The following KIF2C variants were observed in gnomAD, a reference collection of about 807,000 sequenced individuals.
KIF2C encodes the protein kinesin family member 2C, also known as kinesin-like protein KIF2C.
KIF2C carries 34 observed loss-of-function variants against 97.4 expected under a neutral mutation model. That is an observed-to-expected ratio of 0.35 (90% CI 0.27 to 0.46). The LOEUF (loss-of-function observed/expected upper bound fraction) is 0.46, where lower values mean the gene tolerates loss of function less well. KIF2C is among the 20% of genes least tolerant of loss of function. The probability of loss-of-function intolerance (pLI) is 1.00; values close to 1 mark genes in which losing one functional copy is unlikely to be tolerated. For synonymous variants in KIF2C, 313 were observed against 318.2 expected, an observed-to-expected ratio of 0.98 and a Z score of 0.17; for missense variants, 750 against 907.6, an observed-to-expected ratio of 0.83 and a Z score of 2.23.
At chr1:44,741,584 C>G (rs937680879) in intron 2 of KIF2C, among the ~76,000 whole-genome samples, 7 of 151,998 alleles carry the variant, frequency 4.6e-5, no homozygotes, top group African/African-American at 1.7e-4. Flanking sequence ...ACTCGGGAAG[C>G]TGAGGTGGGA....
chr1:44,767,273 C>T lies in KIF2C; in HGVS notation c.*94C>T. ...GGTACCTGGTGGGTCTAGGCAGGGT[C>T]TGAGCTGGGACAGGTTCTGGTAAAT... On this transcript the variant is annotated 3_prime_UTR_variant, in exon 21 of 21. Coordinates refer to ENST00000372224, the MANE Select transcript of KIF2C (RefSeq NM_006845.4). The T allele has an allele frequency of 9.2e-7, 1 of 1,084,572 alleles. No homozygotes were observed. Among genetic ancestry groups the T allele is most frequent in the Non-Finnish European group, 1.4e-6 (1 of 720,190 alleles). The allele number at this position is 1,084,572 out of a possible 1,614,324, so 67.2% of individuals were successfully genotyped here. A position where few individuals can be genotyped will look rare whatever the true frequency, so the allele number is the denominator to read the frequency against.
chr1:44,762,290 C>G (rs1408050134), intron 17 of KIF2C, 56 bp from the exon 18 acceptor site: 2 of 1,474,012 alleles, frequency 1.4e-6, no homozygotes, highest in African/African-American at 2.8e-5. Context: ...GTGCCACATT[C>G]CTCTGGTGAG....
intron 4 of KIF2C, among the ~76,000 whole-genome samples, chr1:44,747,993 C>A (rs1649306008): frequency 6.6e-6 from 1 of 152,178 alleles, no homozygotes; most frequent in Non-Finnish European, 1.5e-5. Flanking sequence ...GGCCTTTTTT[C>A]TTCCCTCGGG....
intron 19 of KIF2C, 113 bp downstream of exon 19, chr1:44,762,771 AAGCAGCCC>A: frequency 1.5e-6 from 1 of 688,290 alleles, no homozygotes; most frequent in Non-Finnish European, 2.6e-6. Flanking sequence ...ACATAGCAAG[AAGCAGCCC>A]TCTACACCAG....
At chr1:44,741,313 C>T (rs1648922663) in intron 2 of KIF2C, among the ~76,000 whole-genome samples, 2 of 146,372 alleles carry the variant, frequency 1.4e-5, no homozygotes, top group African/African-American at 2.5e-5. Flanking sequence ...ACCTGGGAGG[C>T]GGAGGTTGCA....
chr1:44,749,493 T>C (rs1039490315), intron 4 of KIF2C, among the ~76,000 whole-genome samples: 9 of 151,908 alleles, frequency 5.9e-5, no homozygotes, highest in Non-Finnish European at 1.3e-4. Flanking sequence ...GGCTCACACC[T>C]GTAAGCCCAG....
intron 10 of KIF2C, 45 bp downstream of exon 10, chr1:44,756,282 C>CCCTTTTTTTG (rs1297776679): frequency 3.1e-6 from 5 of 1,592,590 alleles, no homozygotes; most frequent in Non-Finnish European, 4.3e-6. Context: ...CCCTTCCATC[C>CCCTTTTTTTG]CCTTTTTTTG....
chr1:44,767,039 G>A, intron 20 of KIF2C, 58 bp from the exon 21 acceptor site: 1 of 1,608,094 alleles, frequency 6.2e-7, no homozygotes, highest in South Asian at 1.1e-5. Flanking sequence ...TGCCCTGAGT[G>A]AATGGGGGCT....
intron 5 of KIF2C, among the ~76,000 whole-genome samples, chr1:44,752,451 A>AT (rs1649582226): frequency 6.6e-6 from 1 of 152,132 alleles, no homozygotes; most frequent in South Asian, 2.1e-4. Context: ...GAATTTTAAG[A>AT]TTTTTTAAGT....
At chr1:44,744,054 C>T (rs981798561) in intron 2 of KIF2C, among the ~76,000 whole-genome samples, 3 of 150,518 alleles carry the variant, frequency 2.0e-5, no homozygotes, top group African/African-American at 7.3e-5. Context: ...CTTAGTGGGG[C>T]ATTCAGAGCC....
At position 44,759,362 on chromosome 1, in the gene KIF2C, T is replaced by C; in HGVS notation, c.1367+14T>C. 1 of 1,613,800 alleles carries C rather than the reference T, an allele frequency of 6.2e-7. No homozygotes were observed. Among genetic ancestry groups the C allele is most frequent in the South Asian group, 1.1e-5 (1 of 91,052 alleles). On this transcript the variant is annotated intron_variant, in intron 14 of 20. Transcript: ENST00000372224. ...CAGCGCCTGCAGGTGAGAGTCCTGG[T>C]GAGGGGAAGGAGCGACCTTCTCATG...
chr1:44,749,806 C>T (rs566417328), intron 4 of KIF2C, among the ~76,000 whole-genome samples: 10 of 150,996 alleles, frequency 6.6e-5, no homozygotes, highest in South Asian at 4.2e-4. Flanking sequence ...GGGCTGGGCA[C>T]GGTGGTTCAC....
intron 2 of KIF2C, chr1:44,746,483 A>G (rs1649202221): frequency 8.0e-7 from 1 of 1,248,030 alleles, no homozygotes; most frequent in Non-Finnish European, 1.0e-6. Flanking sequence ...GCTGTCAGGA[A>G]CTTGCCCCTG....
chr1:44,767,273 C>A lies in KIF2C; in HGVS notation c.*94C>A. 1 of 1,084,568 alleles carries A rather than the reference C, an allele frequency of 9.2e-7. No individual in the cohort carries two copies. Among genetic ancestry groups the A allele is most frequent in the Non-Finnish European group, 1.4e-6 (1 of 720,188 alleles). 67.2% of individuals were successfully genotyped at this position (1,084,568 alleles called of 1,614,324 possible). Reference sequence around the variant, plus strand: ...GGTACCTGGTGGGTCTAGGCAGGGTCTGAGCTGGGACAGGTTCTGGTAAAT... The same window carrying A: ...GGTACCTGGTGGGTCTAGGCAGGGTATGAGCTGGGACAGGTTCTGGTAAAT... On this transcript the variant is annotated 3_prime_UTR_variant, in exon 21 of 21. Transcript: ENST00000372224.
intron 11 of KIF2C, 106 bp downstream of exon 11, chr1:44,757,752 C>A: frequency 9.2e-7 from 1 of 1,082,278 alleles, no homozygotes; most frequent in Non-Finnish European, 1.4e-6. Flanking sequence ...GTTACAGATG[C>A]CCCATCACCA....
intron 16 of KIF2C, chr1:44,761,006 T>G (rs1400003487): frequency 3.0e-6 from 1 of 328,106 alleles, no homozygotes; most frequent in Non-Finnish European, 5.8e-6. Flanking sequence ...GGCCTTTGGG[T>G]CAGCAGGAGA....
At chr1:44,753,294 G>A (rs1300390997) in intron 6 of KIF2C, 40 bp downstream of exon 6, 1 of 1,583,454 alleles carries the variant, frequency 6.3e-7, no homozygotes, top group Admixed American at 1.7e-5. Flanking sequence ...CTTCTAGTGA[G>A]GCACAGATAG....
rs1326472298 is a variant in KIF2C, at chr1:44,759,365, G to A, written c.1367+17G>A. On this transcript the variant is annotated intron_variant, in intron 14 of 20. Transcript: ENST00000372224. ...CGCCTGCAGGTGAGAGTCCTGGTGA[G>A]GGGAAGGAGCGACCTTCTCATGTCT... 1 of 1,613,674 alleles carries A rather than the reference G, an allele frequency of 6.2e-7. No homozygotes were observed. The highest frequency in any genetic ancestry group is 1.3e-5 in the African/African-American group (1 of 74,934).
chr1:44,757,851 T>C, intron 11 of KIF2C, 57 bp from the exon 12 acceptor site: 1 of 1,545,950 alleles, frequency 6.5e-7, no homozygotes, highest in Non-Finnish European at 8.9e-7. Flanking sequence ...GAGCCAGTAG[T>C]GCTCTGCTCT....
Sources: allele counts gnomAD v4.1 joint callset (sites outside exome capture counted in the v4.1 genomes callset), GRCh38; gene constraint gnomAD v4.1.1; transcripts MANE v1.5; gene names NCBI Gene and HGNC (gene_info 2026-07-23, HGNC 2026-07-21).